Variants in SLC16A7 observed in about 807,000 individuals in gnomAD.
SLC16A7 encodes monocarboxylate transporter 2.
SLC16A7 carries 33 observed loss-of-function variants against 34.9 expected under a neutral mutation model. That is an observed-to-expected ratio of 0.94 (90% CI 0.72 to 1.26). The LOEUF (loss-of-function observed/expected upper bound fraction) is 1.26, where lower values mean the gene tolerates loss of function less well. Ranked by LOEUF, SLC16A7 falls within the 50% of genes most tolerant of loss-of-function variation. The pLI, the probability that SLC16A7 is intolerant of heterozygous loss-of-function variation, is 0.00. For synonymous variants in SLC16A7, 201 were observed against 206.6 expected (o/e 0.97, Z 0.23); for missense variants, 573 against 578.1 (o/e 0.99, Z 0.09).
chr12:59,768,032 T>A (rs955959458), intron 3 of SLC16A7: 8 of 381,420 alleles, frequency 2.1e-5, no homozygotes, highest in African/African-American at 1.7e-4. Flanking sequence ...ACATGGCCCA[T>A]GTATACATAT....
intron 3 of SLC16A7, among the ~76,000 whole-genome samples, chr12:59,713,011 CTTTTT>C (rs1034992783): frequency 1.3e-5 from 2 of 150,902 alleles, no homozygotes; most frequent in Non-Finnish European, 3.0e-5. Context: ...CTTTTCTTTT[CTTTTT>C]TTTTCTTTTC....
At chr12:59,672,517 C>A (rs960761946) in intron 2 of SLC16A7, among the ~76,000 whole-genome samples, 1 of 151,818 alleles carries the variant, frequency 6.6e-6, no homozygotes, top group African/African-American at 2.4e-5. Flanking sequence ...TCCCACATTC[C>A]AGCAGGCTCA....
At chr12:59,773,046 T>A (rs1288883157) in intron 4 of SLC16A7, among the ~76,000 whole-genome samples, 1 of 151,842 alleles carries the variant, frequency 6.6e-6, no homozygotes, top group Non-Finnish European at 1.5e-5. Flanking sequence ...AAATATGGAT[T>A]AAGATTTGAA....
At chr12:59,740,055 C>T (rs1246752884) in intron 3 of SLC16A7, among the ~76,000 whole-genome samples, 2 of 151,176 alleles carry the variant, frequency 1.3e-5, no homozygotes, top group Non-Finnish European at 3.0e-5. Context: ...TTAATTAGAT[C>T]CCATTTGTCA....
At chr12:59,761,309 T>C (rs1241681039) in intron 3 of SLC16A7, 2 of 391,360 alleles carry the variant, frequency 5.1e-6, no homozygotes, top group Admixed American at 8.4e-5. Flanking sequence ...ATGGTTAGGT[T>C]TCTAACTTTT....
chr12:59,698,417 T>G (rs1012822698), intron 2 of SLC16A7, among the ~76,000 whole-genome samples: 1 of 151,766 alleles, frequency 6.6e-6, no homozygotes, highest in Admixed American at 6.6e-5. Flanking sequence ...TTGTTGTTTC[T>G]TCAATTCTAA....
Position 59,710,218 on chromosome 12 carries a change from A to C in SLC16A7, c.217+5200A>C, listed in dbSNP as rs954947995. On this transcript the variant is annotated intron_variant, in intron 3 of 5. Transcript: ENST00000547379. ...CACATTCATTAGGGCTTAGCAGTCA[A>C]CCTATTAATCACTACTGTGGGGTCA... Among the ~76,000 whole-genome samples the C allele has an allele frequency of 2.0e-5, 3 of 152,288 alleles. No homozygotes were observed. The East Asian group carries it at 5.8e-4, about 29-fold the overall frequency.
intron 5 of SLC16A7, among the ~76,000 whole-genome samples, chr12:59,776,488 A>G (rs1882767879): frequency 6.6e-6 from 1 of 152,194 alleles, no homozygotes; most frequent in Non-Finnish European, 1.5e-5. Flanking sequence ...TTTGGTTAAT[A>G]CCGGACTTAA....
At chr12:59,619,019 T>C (rs1267852102) in intron 1 of SLC16A7, among the ~76,000 whole-genome samples, 2 of 152,114 alleles carry the variant, frequency 1.3e-5, no homozygotes, top group Non-Finnish European at 2.9e-5. Flanking sequence ...ATTTTATTTC[T>C]CAACTATTTT....
At chr12:59,655,011 A>G (rs1222205290) in intron 1 of SLC16A7, 141 bp from the exon 2 acceptor site, 1 of 152,042 alleles carries the variant, frequency 6.6e-6, no homozygotes, top group African/African-American at 2.4e-5. Context: ...GAGCTTTAAG[A>G]GACAGTAAAT....
At chr12:59,777,243 C>G (rs1396388699) in intron 5 of SLC16A7, among the ~76,000 whole-genome samples, 1 of 152,184 alleles carries the variant, frequency 6.6e-6, no homozygotes, top group Non-Finnish European at 1.5e-5. Context: ...ATTGTTGAAA[C>G]TCTCAGACTG....
At chr12:59,721,465 C>A (rs1875581313) in intron 3 of SLC16A7, among the ~76,000 whole-genome samples, 1 of 151,840 alleles carries the variant, frequency 6.6e-6, no homozygotes, top group Non-Finnish European at 1.5e-5. Context: ...AGCAATATTC[C>A]CTCTCACAAC....
chr12:59,712,686 C>A (rs1443362906), intron 3 of SLC16A7, among the ~76,000 whole-genome samples: 2 of 152,126 alleles, frequency 1.3e-5, no homozygotes, highest in East Asian at 1.9e-4. Context: ...TCCATTCACG[C>A]AAAACTAGTG....
intron 1 of SLC16A7, among the ~76,000 whole-genome samples, chr12:59,646,259 A>G (rs768828255): frequency 3.3e-5 from 5 of 152,138 alleles, no homozygotes; most frequent in Middle Eastern, 6.3e-3. Flanking sequence ...CTAGGAGGGA[A>G]AAATCATTTC....
chr12:59,655,707 G>T (rs1693611), intron 2 of SLC16A7, among the ~76,000 whole-genome samples: 7,817 of 151,700 alleles, frequency 0.052, 659 homozygotes, highest in African/African-American at 0.17. Flanking sequence ...TCATATTGGG[G>T]TTTTTTTACG....
At chr12:59,641,457 G>A (rs888032987) in intron 1 of SLC16A7, among the ~76,000 whole-genome samples, 2 of 152,018 alleles carry the variant, frequency 1.3e-5, no homozygotes, top group African/African-American at 2.4e-5. Context: ...GAAAAATGAA[G>A]TTTCTGCTTT....
intron 2 of SLC16A7, among the ~76,000 whole-genome samples, chr12:59,688,703 G>A (rs1290650253): frequency 6.6e-6 from 1 of 151,796 alleles, no homozygotes; most frequent in Non-Finnish European, 1.5e-5. Context: ...TTTCATTTAG[G>A]TATGACTAAA....
intron 1 of SLC16A7, among the ~76,000 whole-genome samples, chr12:59,632,413 T>A (rs1880222641): frequency 6.6e-6 from 1 of 151,986 alleles, no homozygotes; most frequent in Non-Finnish European, 1.5e-5. Context: ...TAATTCCTTT[T>A]ATGGGGGAGG....
intron 2 of SLC16A7, among the ~76,000 whole-genome samples, chr12:59,688,483 A>G (rs988357687): frequency 6.6e-6 from 1 of 152,146 alleles, no homozygotes; most frequent in Non-Finnish European, 1.5e-5. Context: ...TGCCTGCCAA[A>G]TGAAGACAAT....
Sources: allele counts gnomAD v4.1 joint callset (sites outside exome capture counted in the v4.1 genomes callset), GRCh38; gene constraint gnomAD v4.1.1; transcripts MANE v1.5; gene names NCBI Gene and HGNC (gene_info 2026-07-23, HGNC 2026-07-21).